FOXK2: variants seen among roughly 807,000 people sequenced by gnomAD.
The protein encoded by FOXK2 is forkhead box K2, also known as forkhead box protein K2.
Under a neutral mutation model 53.3 loss-of-function variants are expected in FOXK2, and 24 were observed. That is an observed-to-expected ratio of 0.45 (90% CI 0.33 to 0.63). FOXK2 has a LOEUF of 0.63. FOXK2 is among the 30% of genes least tolerant of loss of function. The pLI is 0.03. For synonymous variants in FOXK2, 505 were observed against 407.1 expected (o/e 1.24, Z -2.89); for missense variants, 952 against 910.5 (o/e 1.05, Z -0.59).
intron 4 of FOXK2, among the ~76,000 whole-genome samples, chr17:82,574,822 C>T (rs2044964553): frequency 6.6e-6 from 1 of 152,166 alleles, no homozygotes; most frequent in Non-Finnish European, 1.5e-5. Flanking sequence ...TTTGGTCAAT[C>T]CACAGAGGAC....
chr17:82,546,660 G>T (rs533618601), intron 1 of FOXK2, among the ~76,000 whole-genome samples: 1 of 151,398 alleles, frequency 6.6e-6, no homozygotes, highest in African/African-American at 2.4e-5. Flanking sequence ...GGTGACGGGG[G>T]TCTCACCATG....
At chr17:82,526,556 T>C (rs971938426) in intron 1 of FOXK2, among the ~76,000 whole-genome samples, 1 of 150,246 alleles carries the variant, frequency 6.7e-6, no homozygotes, top group Non-Finnish European at 1.5e-5. Flanking sequence ...TGAGGCTGGG[T>C]GCGGTGGCTC....
At chr17:82,550,515 T>TG (rs1420231888) in intron 1 of FOXK2, among the ~76,000 whole-genome samples, 3 of 151,032 alleles carry the variant, frequency 2.0e-5, no homozygotes, top group Non-Finnish European at 4.4e-5. Context: ...TTTTTTTTTT[T>TG]TTTTTGAGAT....
chr17:82,543,493 C>G (rs2144077211), intron 1 of FOXK2, among the ~76,000 whole-genome samples: 1 of 152,386 alleles, frequency 6.6e-6, no homozygotes, highest in Non-Finnish European at 1.5e-5. Context: ...TCCACCACAG[C>G]TGCCCACTTG....
rs2045387007 is a variant in FOXK2 at position 82,601,612 on chromosome 17, C to T, written c.*113C>T. ...CCTGTGGTTGGACTTCACCTCTCAGCACTGAAAACCCAAAACCCAGCTGGC... is the reference window on the plus strand; with the variant it reads ...CCTGTGGTTGGACTTCACCTCTCAGTACTGAAAACCCAAAACCCAGCTGGC... On this transcript the variant is annotated 3_prime_UTR_variant, in exon 9 of 9. Transcript: ENST00000335255. 4 of 1,100,370 alleles carry T rather than the reference C, an allele frequency of 3.6e-6. No individual in the cohort carries two copies. The highest frequency in any genetic ancestry group is 5.0e-6 in the Non-Finnish European group (4 of 792,110). 68.2% of individuals were successfully genotyped at this position (1,100,370 alleles called of 1,614,324 possible).
chr17:82,586,933 T>C, intron 7 of FOXK2, 130 bp from the exon 8 acceptor site: 2 of 840,190 alleles, frequency 2.4e-6, no homozygotes, highest in Non-Finnish European at 3.8e-6. Context: ...CATCTTTTTC[T>C]AATTTGCTGT....
intron 1 of FOXK2, among the ~76,000 whole-genome samples, chr17:82,561,593 G>A (rs1327173455): frequency 3.3e-5 from 5 of 152,172 alleles, no homozygotes; most frequent in Non-Finnish European, 7.3e-5. Context: ...CACCAAGACC[G>A]TGGGGAGGAC....
At chr17:82,548,683 A>G (rs901373) in intron 1 of FOXK2, among the ~76,000 whole-genome samples, 72,252 of 152,062 alleles carry the variant, frequency 0.48, 17,415 homozygotes, top group South Asian at 0.58. Context: ...GCTACTGCTC[A>G]GCTGAATTAG....
chr17:82,561,909 G>C (rs868828515), intron 1 of FOXK2, among the ~76,000 whole-genome samples: 8 of 138,300 alleles, frequency 5.8e-5, no homozygotes, highest in African/African-American at 1.2e-4. Context: ...CTCTGTTGGG[G>C]GGGGGGGGTG....
intron 8 of FOXK2, among the ~76,000 whole-genome samples, chr17:82,587,928 G>A (rs186703753): frequency 5.4e-4 from 82 of 152,276 alleles, no homozygotes; most frequent in African/African-American, 1.8e-3. Flanking sequence ...TGATCCTGGC[G>A]CTTGCGGGAT....
chr17:82,554,358 C>A (rs2044703597), intron 1 of FOXK2, among the ~76,000 whole-genome samples: 1 of 152,178 alleles, frequency 6.6e-6, no homozygotes, highest in African/African-American at 2.4e-5. Context: ...GTCCTTAGAG[C>A]TTCTTCGTGA....
rs1463389323 is a variant in FOXK2 at position 82,551,487 on chromosome 17, C to T, written c.420-11867C>T. On this transcript the variant is annotated intron_variant, in intron 1 of 8. Coordinates refer to ENST00000335255, the MANE Select transcript of FOXK2 (RefSeq NM_004514.4). ...GGTCAGGAGTTTGAGACCAGCCTGG[C>T]CATCATGGTGAAACCCTGTCTGTAC... Among the ~76,000 whole-genome samples, 3 of 152,076 alleles carry T rather than the reference C, an allele frequency of 2.0e-5. No individual in the cohort carries two copies. The South Asian group carries it at 6.2e-4, about 32-fold the overall frequency.
In FOXK2 at chr17:82,582,737, A is replaced by T. The variant is rs1429016917; in HGVS notation, c.910-4A>T. 1 of 1,562,460 alleles carries T rather than the reference A, an allele frequency of 6.4e-7. No individual in the cohort carries two copies. Among genetic ancestry groups the T allele is most frequent in the Non-Finnish European group, 8.6e-7 (1 of 1,158,436 alleles). Reference sequence around the variant, plus strand: ...AATTCTACGTATTTTTTTATGTTTCATAGAATTCAATTCGCCACAATCTCT... The same window carrying T: ...AATTCTACGTATTTTTTTATGTTTCTTAGAATTCAATTCGCCACAATCTCT... On this transcript the variant is annotated splice_region_variant and splice_polypyrimidine_tract_variant and intron_variant, in intron 4 of 8. Coordinates refer to ENST00000335255, the MANE Select transcript of FOXK2 (RefSeq NM_004514.4).
At chr17:82,567,047 C>T (rs1381730073) in intron 2 of FOXK2, among the ~76,000 whole-genome samples, 3 of 152,134 alleles carry the variant, frequency 2.0e-5, no homozygotes, top group Admixed American at 1.3e-4. Flanking sequence ...ATATTCATGG[C>T]GGAGAGTCTA....
rs1418597301 is a variant in FOXK2 at position 82,571,878 on chromosome 17, C to T, written c.909+8C>T. On this transcript the variant is annotated splice_region_variant and intron_variant, in intron 4 of 8. Coordinates refer to ENST00000335255, the MANE Select transcript of FOXK2 (RefSeq NM_004514.4). ...GCGGACAAGGGCTGGCAGGTAAATGCCTTCAGTTTGTTGTTAAATAGAGGC... is the reference window on the plus strand; with the variant it reads ...GCGGACAAGGGCTGGCAGGTAAATGTCTTCAGTTTGTTGTTAAATAGAGGC... 6.5e-7 allele frequency: 1 copy of T among 1,540,990 alleles called. No individual in the cohort carries two copies. The highest frequency in any genetic ancestry group is 8.7e-7 in the Non-Finnish European group (1 of 1,149,998).
intron 1 of FOXK2, among the ~76,000 whole-genome samples, chr17:82,558,815 C>T (rs1019834418): frequency 2.0e-5 from 3 of 151,970 alleles, no homozygotes; most frequent in African/African-American, 7.3e-5. Context: ...GGCGTGATCT[C>T]GGCTCACTGC....
rs1031812606 is a variant in FOXK2, at chr17:82,586,985, G to C, written c.1577-78G>C. 1.1e-5 allele frequency: 15 copies of C among 1,332,886 alleles called. No individual in the cohort carries two copies. In the African/African-American group the frequency reaches 1.7e-4, roughly 15 times the overall value. 82.6% of individuals were successfully genotyped at this position (1,332,886 alleles called of 1,614,324 possible). On this transcript the variant is annotated intron_variant, in intron 7 of 8. Coordinates refer to ENST00000335255, the MANE Select transcript of FOXK2 (RefSeq NM_004514.4). ...TTCTAGCAGGTGTGATAGCTATCTGGTTATTATGTTTTAAACTGGCAAGAT... is the reference window on the plus strand; with the variant it reads ...TTCTAGCAGGTGTGATAGCTATCTGCTTATTATGTTTTAAACTGGCAAGAT...
rs777065904 is a variant in FOXK2, at chr17:82,601,537, T to C, written c.*38T>C. ...CTTTTCTTTAACGATATCAACTCTG[T>C]GGTGCCAAAAGGAGACGCGGCCTCC... On this transcript the variant is annotated 3_prime_UTR_variant, in exon 9 of 9. Coordinates refer to ENST00000335255, the MANE Select transcript of FOXK2 (RefSeq NM_004514.4). 5.1e-6 allele frequency: 8 copies of C among 1,561,772 alleles called. No homozygotes were observed. Among genetic ancestry groups the C allele is most frequent in the Non-Finnish European group, 6.1e-6 (7 of 1,152,402 alleles).
At chr17:82,576,556 G>A (rs2044988553) in intron 4 of FOXK2, 5 of 715,810 alleles carry the variant, frequency 7.0e-6, no homozygotes, top group South Asian at 4.7e-5. Flanking sequence ...CATGAGCTGA[G>A]CCTGTTGGGC....
Sources: gnomAD v4.1 joint callset for allele counts (sites outside exome capture counted in the v4.1 genomes callset) on GRCh38, gnomAD v4.1.1 for gene constraint, MANE v1.5 for transcripts, NCBI Gene and HGNC (gene_info 2026-07-23, HGNC 2026-07-21) for gene names.